The following RGS13 variants were observed in gnomAD, a reference collection of about 807,000 sequenced individuals.
RGS13 encodes regulator of G-protein signalling 13.
Under a neutral mutation model 19.9 loss-of-function variants are expected in RGS13, and 14 were observed. The observed-to-expected ratio is 0.70, with a 90% CI of 0.46 to 1.10. The LOEUF (loss-of-function observed/expected upper bound fraction) is 1.10. Among genes scored for constraint, RGS13 ranks in the 50% least tolerant of loss-of-function variants. The pLI is 0.00. For missense variants in RGS13, 205 were observed against 187.1 expected (o/e 1.10, Z -0.56); for synonymous variants, 60 against 56.8 (o/e 1.06, Z -0.25).
At chr1:192,645,355 G>A (rs762193299) in intron 4 of RGS13, 13 of 152,294 alleles carry the variant, frequency 8.5e-5, no homozygotes, top group African/African-American at 3.1e-4. Flanking sequence ...TTCATGGAAA[G>A]CTGCCAGATA....
rs1296301286 is a variant in RGS13 at position 192,658,238 on chromosome 1, G to A, written c.165G>A (p.Glu55=). ...PVVYAAYLKM[E]HSDENIQFWM... ...TCTATGCAGCATATTTAAAAATGGA[G>A]CACAGTGACGAGAATATTCAATTCT... is the stretch of plus-strand genomic sequence containing the variant. The change falls in exon 6 of 7, where the codon GAG becomes GAA. Residue 55 remains glutamate, a synonymous_variant. Coordinates refer to ENST00000391995, the MANE Select transcript of RGS13 (RefSeq NM_002927.5). The A allele has an allele frequency of 1.2e-6, 2 of 1,613,182 alleles. No homozygotes were observed.
intron 5 of RGS13, among the ~76,000 whole-genome samples, chr1:192,653,289 A>G (rs2102036626): frequency 6.6e-6 from 1 of 152,264 alleles, no homozygotes; most frequent in South Asian, 2.1e-4. Context: ...TATTTTAAAA[A>G]TACATATTTA....
At position 192,658,190 on chromosome 1, in the gene RGS13, T is replaced by C; in HGVS notation, c.128-11T>C. 1 of 1,585,826 alleles carries C rather than the reference T, an allele frequency of 6.3e-7. No homozygotes were observed. The highest frequency in any genetic ancestry group is 8.6e-7 in the Non-Finnish European group (1 of 1,166,916). On this transcript the variant is annotated splice_polypyrimidine_tract_variant and intron_variant, in intron 5 of 6. Transcript: ENST00000391995. ...CCCATGAAAATAAACTGATTTCTCC[T>C]CTACTTTTAGATGGTCCAGTAGTCT...
At chr1:192,655,201 A>G (rs1364574633) in intron 5 of RGS13, among the ~76,000 whole-genome samples, 2 of 152,136 alleles carry the variant, frequency 1.3e-5, no homozygotes, top group Non-Finnish European at 2.9e-5. Context: ...CAGCATATTC[A>G]GACAAAAGTT....
At chr1:192,639,119 C>T (rs1663061679) in intron 3 of RGS13, among the ~76,000 whole-genome samples, 1 of 152,102 alleles carries the variant, frequency 6.6e-6, no homozygotes, top group Non-Finnish European at 1.5e-5. Context: ...TACACAGAGT[C>T]TTTGCTGGAA....
intron 5 of RGS13, among the ~76,000 whole-genome samples, 160 bp downstream of exon 5, chr1:192,648,147 G>T (rs1470204966): frequency 3.3e-5 from 5 of 152,098 alleles, no homozygotes; most frequent in Non-Finnish European, 5.9e-5. Context: ...AGTTTGTTAT[G>T]TCAACCACTA....
In RGS13 at chr1:192,658,258, A is replaced by T. The variant is rs772510233; in HGVS notation, c.185A>T (p.Gln62Leu). 10 of 1,613,232 alleles carry T rather than the reference A, an allele frequency of 6.2e-6. 1 individual carries two copies. The South Asian group carries it at 1.1e-4, about 18-fold the overall frequency. Residue 62 changes from glutamine (Q) to leucine (L), a missense_variant, in exon 6 of 7, where the codon CAA (glutamine) becomes CTA (leucine). Physicochemically the swap from Gln to Leu is moderately radical, Grantham distance 113. Coordinates refer to ENST00000391995, the MANE Select transcript of RGS13 (RefSeq NM_002927.5). ...LKMEHSDENIQFWMACETYKK... is the reference protein window; with the variant it reads ...LKMEHSDENILFWMACETYKK... Reference sequence around the variant, plus strand: ...ATGGAGCACAGTGACGAGAATATTCAATTCTGGATGGCATGTGAAACCTAT... The same window carrying T: ...ATGGAGCACAGTGACGAGAATATTCTATTCTGGATGGCATGTGAAACCTAT...
chr1:192,658,359 C>G lies in RGS13; in HGVS notation c.286C>G (p.Pro96Ala). 6.2e-7 allele frequency: 1 copy of G among 1,610,268 alleles called. No homozygotes were observed. The highest frequency in any genetic ancestry group is 8.5e-7 in the Non-Finnish European group (1 of 1,178,640). The change falls in exon 6 of 7, where the codon CCT becomes GCT. Residue 96 changes from proline to alanine, a missense_variant. Pro to Ala is a conservative substitution (Grantham distance 27, BLOSUM62 -1). Transcript: ENST00000391995. ...LYKIYIQPQS[P>A]REINIDSSTR... The stretch of plus-strand genomic sequence containing the variant: ...TAAGATTTACATCCAGCCACAGTCC[C>G]CTAGAGAGGTAACTACCTGACAATG...
At chr1:192,640,446 A>G (rs1663085568) in intron 3 of RGS13, among the ~76,000 whole-genome samples, 1 of 152,142 alleles carries the variant, frequency 6.6e-6, no homozygotes. Context: ...ACCTCAGTGG[A>G]TTACTTCTAC....
At chr1:192,657,629 T>C (rs999714789) in intron 5 of RGS13, among the ~76,000 whole-genome samples, 31 of 152,276 alleles carry the variant, frequency 2.0e-4, no homozygotes, top group African/African-American at 7.5e-4. Context: ...GTCCCTTATT[T>C]CTGGCTTGAA....
intron 3 of RGS13, among the ~76,000 whole-genome samples, chr1:192,641,254 AAAAGAAAGAAAGAAAGAAAGAAAGAAAG>A (rs771323101): frequency 5.9e-5 from 4 of 67,390 alleles, no homozygotes; most frequent in African/African-American, 2.0e-4. Flanking sequence ...GAAAAGAAAG[AAAAGAAAGAAAGAAAGAAAGAAAGAAAG>A]AAAGAAAGAA....
In RGS13 at chr1:192,641,359, G is replaced by A. The variant is rs918262476; in HGVS notation, c.-4-2972G>A. ...GGAAGGAGAGAAAGAAAGAGAGAGA[G>A]AGGGGAAAAGGGAGGGAGGAAGGGA... On this transcript the variant is annotated intron_variant, in intron 3 of 6. Coordinates refer to ENST00000391995, the MANE Select transcript of RGS13 (RefSeq NM_002927.5). 5.3e-5 allele frequency among the ~76,000 whole-genome samples: 8 copies of A among 151,728 alleles called. No individual in the cohort carries two copies. In the East Asian group the frequency reaches 1.6e-3, roughly 29 times the overall value.
intron 1 of RGS13, among the ~76,000 whole-genome samples, chr1:192,636,714 C>CA (rs138245830): frequency 0.033 from 5,003 of 151,970 alleles, 217 homozygotes; most frequent in East Asian, 0.11. Context: ...TTAGTTCCAT[C>CA]CTTTGTTAAC....
intron 5 of RGS13, among the ~76,000 whole-genome samples, chr1:192,654,970 G>T (rs1558053004): frequency 6.6e-6 from 1 of 151,942 alleles, no homozygotes; most frequent in Non-Finnish European, 1.5e-5. Context: ...AAGCAGAATC[G>T]CAGTCTTCTG....
chr1:192,658,546 G>T, intron 6 of RGS13, 179 bp downstream of exon 6: 1 of 518,054 alleles, frequency 1.9e-6, no homozygotes, highest in Admixed American at 3.6e-5. Context: ...AACTTGTCCA[G>T]TGTCACACAG....
At chr1:192,637,921 T>C (rs1663042696) in intron 2 of RGS13, among the ~76,000 whole-genome samples, 2 of 152,092 alleles carry the variant, frequency 1.3e-5, no homozygotes, top group Admixed American at 1.3e-4. Context: ...TTTACTTTTG[T>C]AAAAAATTAG....
intron 3 of RGS13, among the ~76,000 whole-genome samples, chr1:192,643,346 G>A (rs971092824): frequency 6.6e-6 from 1 of 152,096 alleles, no homozygotes; most frequent in African/African-American, 2.4e-5. Context: ...ATGTATATAT[G>A]TTTAACAAAC....
At chr1:192,641,253 GAAAA>G (rs1663109366) in intron 3 of RGS13, among the ~76,000 whole-genome samples, 2 of 78,892 alleles carry the variant, frequency 2.5e-5, no homozygotes, top group Non-Finnish European at 2.5e-5. Context: ...AGAAAAGAAA[GAAAA>G]GAAAGAAAGA....
chr1:192,652,261 A>G (rs1251119015), intron 5 of RGS13, among the ~76,000 whole-genome samples: 1 of 152,078 alleles, frequency 6.6e-6, no homozygotes, highest in African/African-American at 2.4e-5. Flanking sequence ...CATCTTCCTC[A>G]GCATCATGGC....
Sources: allele counts gnomAD v4.1 joint callset (sites outside exome capture counted in the v4.1 genomes callset), GRCh38; gene constraint gnomAD v4.1.1; transcripts MANE v1.5; gene names NCBI Gene and HGNC (gene_info 2026-07-23, HGNC 2026-07-21).